The following ABCF1 variants were observed in gnomAD, a reference collection of about 807,000 sequenced individuals.
ABCF1 encodes ATP-binding cassette sub-family F member 1.
ABCF1 carries 73 observed loss-of-function variants against 126.3 expected under a neutral mutation model. The ratio of observed to expected loss-of-function variants is 0.58; its 90% CI spans 0.48 to 0.70. The LOEUF is 0.70. Among genes scored for constraint, ABCF1 ranks in the 30% least tolerant of loss-of-function variants. The pLI, the probability that ABCF1 is intolerant of heterozygous loss-of-function variation, is 0.00. For missense variants in ABCF1, 786 were observed against 1,057.5 expected, an observed-to-expected ratio of 0.74 and a Z score of 3.56; for synonymous variants, 345 against 396.4, an observed-to-expected ratio of 0.87 and a Z score of 1.54.
rs576617500 is a variant in ABCF1 at position 30,589,716 on chromosome 6, G to A, written c.2060G>A (p.Arg687Gln). Residue 687 changes from arginine to glutamine, a missense_variant, in exon 21 of 25, where the codon CGG (arginine) becomes CAG (glutamine). Physicochemically the swap from Arg to Gln is conservative, Grantham distance 43. Around this residue, in one of 4 missense-constraint regions of ABCF1, gnomAD observed 288 missense variants for 423.5 expected, o/e 0.68. Coordinates refer to ENST00000326195, the MANE Select transcript of ABCF1 (RefSeq NM_001025091.2). Reference protein sequence around the residue: ...PTHGEMRKNHRLKIGFFNQQY... With the variant: ...PTHGEMRKNHQLKIGFFNQQY... ...CATGGGGAAATGAGAAAGAACCACC[G>A]GCTGGTAAGTTGGCATTGGGATTTA... 3.6e-5 allele frequency: 58 copies of A among 1,614,168 alleles called. No individual in the cohort carries two copies. The East Asian group carries it at 5.6e-4, about 16-fold the overall frequency.
intron 7 of ABCF1, 30 bp downstream of exon 7, chr6:30,580,035 T>C (rs1223022972): frequency 7.5e-6 from 12 of 1,605,714 alleles, no homozygotes; most frequent in Middle Eastern, 1.6e-4. Context: ...GAGGAGGTAT[T>C]GGGGCCCAGG....
At chr6:30,582,181 C>T (rs1458766764) in intron 8 of ABCF1, among the ~76,000 whole-genome samples, 2 of 151,970 alleles carry the variant, frequency 1.3e-5, no homozygotes, top group Non-Finnish European at 2.9e-5. Context: ...CTCAGCCTCC[C>T]GAGTAGCTGG....
Position 30,583,053 on chromosome 6 carries a change from C to G in ABCF1, c.793-13C>G. 1 of 1,596,590 alleles carries G rather than the reference C, an allele frequency of 6.3e-7. No individual in the cohort carries two copies. Among genetic ancestry groups the G allele is most frequent in the Non-Finnish European group, 8.6e-7 (1 of 1,167,114 alleles). On this transcript the variant is annotated splice_polypyrimidine_tract_variant and intron_variant, in intron 9 of 24. Coordinates refer to ENST00000326195, the MANE Select transcript of ABCF1 (RefSeq NM_001025091.2). This position sits in a 1 kb window ranked among gnomAD's most constrained non-coding sequence, Gnocchi z 4.1. ...GACTGTGGCTTCAAATGTAGTTTTTCCTACCTTCTCAGATGGAGTATGAGC... is the reference window on the plus strand; with the variant it reads ...GACTGTGGCTTCAAATGTAGTTTTTGCTACCTTCTCAGATGGAGTATGAGC...
In ABCF1 at chr6:30,571,487, G is replaced by A; in HGVS notation, c.-1G>A. The A allele has an allele frequency of 6.2e-7, 1 of 1,610,066 alleles. No homozygotes were observed. On this transcript the variant is annotated 5_prime_UTR_variant, in exon 1 of 25. Coordinates refer to ENST00000326195, the MANE Select transcript of ABCF1 (RefSeq NM_001025091.2). ...CCACAGTAGCTGTAACTGCCACCGC[G>A]ATGCCGAAGGCGCCCAAGCAGCAGC...
At chr6:30,575,071 CTT>C (rs958476559) in intron 1 of ABCF1, among the ~76,000 whole-genome samples, 12 of 129,766 alleles carry the variant, frequency 9.2e-5, no homozygotes, top group Admixed American at 1.5e-4. Context: ...GACTTTTTTT[CTT>C]TTTTTTTTTT....
intron 2 of ABCF1, 41 bp downstream of exon 2, chr6:30,577,496 GTTTCCAA>G: frequency 6.2e-7 from 1 of 1,602,974 alleles, no homozygotes; most frequent in Non-Finnish European, 8.5e-7. Context: ...GACTATGGAT[GTTTCCAA>G]GCTAAATAAA....
chr6:30,580,099 C>T (rs1233260290), intron 7 of ABCF1, 94 bp downstream of exon 7: 3 of 1,295,902 alleles, frequency 2.3e-6, no homozygotes, highest in Non-Finnish European at 2.2e-6. Context: ...GTAATCCCAG[C>T]ACTTTGGGAG....
chr6:30,582,382 G>T lies in ABCF1; in HGVS notation c.679-12G>T. On this transcript the variant is annotated splice_polypyrimidine_tract_variant and intron_variant, in intron 8 of 24. Coordinates refer to ENST00000326195, the MANE Select transcript of ABCF1 (RefSeq NM_001025091.2). The stretch of plus-strand genomic sequence containing the variant: ...GGAGTCCCTAGTTTTGACCATCCCC[G>T]GGTTCTCACAGGGTTCAGAGGAAGA... 1 of 1,563,612 alleles carries T rather than the reference G, an allele frequency of 6.4e-7. No homozygotes were observed. The highest frequency in any genetic ancestry group is 8.8e-7 in the Non-Finnish European group (1 of 1,138,874).
chr6:30,571,596 G>T lies in ABCF1; in HGVS notation c.73+36G>T, dbSNP rs1350908846. ...TAGGCAAGGAAGAAACGAGCAGAGG[G>T]GGAAGAGAGAGGAGACTGCGCGTGT... On this transcript the variant is annotated intron_variant, in intron 1 of 24. Transcript: ENST00000326195. The T allele has an allele frequency of 5.6e-6, 9 of 1,596,164 alleles. No individual in the cohort carries two copies. In the South Asian group the frequency reaches 1.0e-4, roughly 18 times the overall value.
At chr6:30,571,601 G>A in intron 1 of ABCF1, 41 bp downstream of exon 1, 2 of 1,587,926 alleles carry the variant, frequency 1.3e-6, no homozygotes, top group Non-Finnish European at 1.7e-6. Context: ...AGAGGGGGAA[G>A]AGAGAGGAGA....
chr6:30,585,502 T>C, intron 15 of ABCF1, 56 bp from the exon 16 acceptor site: 10 of 1,610,204 alleles, frequency 6.2e-6, no homozygotes, highest in Non-Finnish European at 8.5e-6. Flanking sequence ...CTGCTTCCTC[T>C]GAATTCTCTC....
At chr6:30,588,036 G>A (rs1049871744) in intron 20 of ABCF1, among the ~76,000 whole-genome samples, 2 of 151,944 alleles carry the variant, frequency 1.3e-5, no homozygotes, top group East Asian at 3.9e-4. Context: ...CTGAATAGCT[G>A]GGATTATAGG....
intron 1 of ABCF1, among the ~76,000 whole-genome samples, chr6:30,577,125 A>G (rs1009685271): frequency 6.6e-6 from 1 of 152,236 alleles, no homozygotes; most frequent in Non-Finnish European, 1.5e-5. Context: ...ATAGCCTGCA[A>G]GCTCCAGAGG....
chr6:30,586,284 C>G lies in ABCF1; in HGVS notation c.1864C>G (p.Pro622Ala). 6.2e-7 allele frequency: 1 copy of G among 1,610,082 alleles called. No homozygotes were observed. The highest frequency in any genetic ancestry group is 8.5e-7 in the Non-Finnish European group (1 of 1,178,076). ...TTTTCCAGACCCCCCACCACTCAGC[C>G]CTCCAGTGCTGGGTCTGCATGGTGA... is the stretch of plus-strand genomic sequence containing the variant. ...FTFPDPPPLS[P>A]PVLGLHGVTF... Residue 622 changes from proline (P) to alanine (A), a missense_variant, in exon 18 of 25, where the codon CCT (proline) becomes GCT (alanine). This residue lies in a region of ABCF1 where 288 missense variants were observed against 423.5 expected (regional missense o/e 0.68). Transcript: ENST00000326195. This position sits in a 1 kb window ranked among gnomAD's most constrained non-coding sequence, Gnocchi z 4.9.
At chr6:30,571,804 A>T (rs1194206282) in intron 1 of ABCF1, among the ~76,000 whole-genome samples, 3 of 152,066 alleles carry the variant, frequency 2.0e-5, no homozygotes, top group Non-Finnish European at 4.4e-5. Context: ...GAAAGAGCAT[A>T]TGGCACCGAG....
chr6:30,576,383 G>A (rs548352137), intron 1 of ABCF1, among the ~76,000 whole-genome samples: 1 of 144,226 alleles, frequency 6.9e-6, no homozygotes, highest in South Asian at 2.3e-4. Context: ...CGCCTCCTGG[G>A]TTCAAGCAAT....
chr6:30,582,924 C>T (rs1801900777), intron 9 of ABCF1, 142 bp from the exon 10 acceptor site: 14 of 1,117,630 alleles, frequency 1.3e-5, no homozygotes. Context: ...AACTCCTGAG[C>T]TCAAGAGATC....
At position 30,584,015 on chromosome 6, in the gene ABCF1, G is replaced by C; in HGVS notation, c.1102+125G>C. On this transcript the variant is annotated intron_variant, in intron 12 of 24. Transcript: ENST00000326195. The surrounding 1 kb of genome is among the most constrained non-coding windows in gnomAD (Gnocchi z 4.6). The stretch of plus-strand genomic sequence containing the variant: ...GGGATGTGGAGGGAGACTGGAGACC[G>C]GGAAAGGGATGCTAAGGAAAGGAGG... The C allele has an allele frequency of 7.1e-7, 1 of 1,398,624 alleles. No homozygotes were observed. 86.6% of individuals were successfully genotyped at this position (1,398,624 alleles called of 1,614,324 possible). A position where few individuals can be genotyped will look rare whatever the true frequency, so the allele number is the denominator to read the frequency against.
chr6:30,573,294 T>C (rs1270252189), intron 1 of ABCF1, among the ~76,000 whole-genome samples: 1 of 152,194 alleles, frequency 6.6e-6, no homozygotes, highest in Non-Finnish European at 1.5e-5. Context: ...GACTATTAAC[T>C]GAAAGCAGTA....
Sources: gnomAD v4.1 joint callset for allele counts (sites outside exome capture counted in the v4.1 genomes callset) on GRCh38, gnomAD v4.1.1 for gene constraint, gnomAD v4.1.1 regional missense constraint, Gnocchi (gnomAD v3.1) non-coding constraint, MANE v1.5 for transcripts, NCBI Gene and HGNC (gene_info 2026-07-23, HGNC 2026-07-21) for gene names.